The following FCER1A variants were observed in gnomAD, a reference collection of about 807,000 sequenced individuals.
FCER1A encodes Fc epsilon receptor Ia, also known as high affinity immunoglobulin epsilon receptor subunit alpha.
FCER1A carries 24 observed loss-of-function variants against 23.6 expected under a neutral mutation model. That is an observed-to-expected ratio of 1.02 (90% CI 0.74 to 1.43). FCER1A has a LOEUF of 1.43. FCER1A is among the 40% of genes most tolerant of loss of function. The pLI, the probability that FCER1A is intolerant of heterozygous loss-of-function variation, is 0.00. For missense variants in FCER1A, 318 were observed against 294.5 expected, an observed-to-expected ratio of 1.08 and a Z score of -0.58; for synonymous variants, 121 against 108.8, an observed-to-expected ratio of 1.11 and a Z score of -0.70.
Position 159,302,404 on chromosome 1 carries a change from G to A in FCER1A, c.40G>A (p.Ala14Thr). ...GGAATCCCCTACTCTACTGTGTGTA[G>A]CCTTACTGTTCTTCGGTAAGTAGAG... is the stretch of plus-strand genomic sequence containing the variant. ...AMESPTLLCV[A>T]LLFFAPDGVL... is the part of the protein sequence containing the mutation. The change falls in exon 1 of 5, where the codon GCC becomes ACC. Residue 14 changes from alanine (A) to threonine (T), a missense_variant. Transcript: ENST00000693622. 3 of 1,610,684 alleles carry A rather than the reference G, an allele frequency of 1.9e-6. No individual in the cohort carries two copies. In the South Asian group the frequency reaches 3.3e-5, roughly 18 times the overall value.
intron 1 of FCER1A, among the ~76,000 whole-genome samples, chr1:159,291,594 A>C (rs980582924): frequency 3.9e-5 from 6 of 152,192 alleles, no homozygotes; most frequent in Admixed American, 2.0e-4. Flanking sequence ...TGATTATGCA[A>C]GGGCTTAACT....
At chr1:159,307,632 C>G in intron 4 of FCER1A, 116 bp from the exon 5 acceptor site, 2 of 726,062 alleles carry the variant, frequency 2.8e-6, no homozygotes, top group Non-Finnish European at 4.5e-6. Context: ...TGCCACATCA[C>G]GCTAAAAATG....
At chr1:159,299,796 T>G (rs58135923), upstream of FCER1A, among the ~76,000 whole-genome samples, 124 of 152,058 alleles carry the variant, frequency 8.2e-4, no homozygotes, top group African/African-American at 2.9e-3. Flanking sequence ...ATAAAAAACC[T>G]GTGGCATTCA....
chr1:159,290,729 T>C (rs961091024), intron 1 of FCER1A, among the ~76,000 whole-genome samples: 9 of 152,314 alleles, frequency 5.9e-5, no homozygotes, highest in African/African-American at 1.9e-4. Flanking sequence ...TAAAGCACAA[T>C]GCCTGAATAC....
At chr1:159,290,872 C>CTTT (rs1652132651) in intron 1 of FCER1A, among the ~76,000 whole-genome samples, 1 of 151,728 alleles carries the variant, frequency 6.6e-6, no homozygotes, top group African/African-American at 2.4e-5. Flanking sequence ...GGATGAACTC[C>CTTT]CTTCTGCATT....
upstream of FCER1A, chr1:159,289,567 G>A (rs1321464922): frequency 6.6e-6 from 1 of 152,106 alleles, no homozygotes; most frequent in African/African-American, 2.4e-5. Context: ...CTCCCTTAAT[G>A]ACTTCTTAGA....
intron 2 of FCER1A, among the ~76,000 whole-genome samples, chr1:159,303,520 C>T (rs1051082930): frequency 2.6e-5 from 4 of 152,138 alleles, no homozygotes; most frequent in Non-Finnish European, 4.4e-5. Flanking sequence ...TTTATCCATC[C>T]ATAATTCACT....
chr1:159,294,897 T>C (rs1652254604), intron 1 of FCER1A, among the ~76,000 whole-genome samples: 1 of 152,158 alleles, frequency 6.6e-6, no homozygotes, highest in South Asian at 2.1e-4. Context: ...AAGACATAGT[T>C]TGCTCATTCT....
intron 1 of FCER1A, among the ~76,000 whole-genome samples, chr1:159,292,685 CA>C (rs1324071488): frequency 6.6e-6 from 1 of 152,092 alleles, no homozygotes; most frequent in African/African-American, 2.4e-5. Flanking sequence ...TATACATATA[CA>C]TGTCTATGGT....
chr1:159,293,282 C>T (rs1652205114), intron 1 of FCER1A, among the ~76,000 whole-genome samples: 1 of 151,624 alleles, frequency 6.6e-6, no homozygotes, highest in Non-Finnish European at 1.5e-5. Context: ...TCATGTTCTT[C>T]CAGGCCCTCA....
In FCER1A at chr1:159,308,083, A is replaced by G. The variant is rs1008365386; in HGVS notation, c.*151A>G. On this transcript the variant is annotated 3_prime_UTR_variant, in exon 5 of 5. Transcript: ENST00000693622. ...TCATTAAACTGAGTGAAACTGGTTA[A>G]GTGGCATGTAATAGTAAGTGCTCAA... 1 of 531,800 alleles carries G rather than the reference A, an allele frequency of 1.9e-6. No individual in the cohort carries two copies. 32.9% of individuals were successfully genotyped at this position (531,800 alleles called of 1,614,324 possible).
Position 159,307,790 on chromosome 1 carries a change from T to A in FCER1A, c.632T>A (p.Leu211Ter), listed in dbSNP as rs754255545. ...KYWLQFFIPL[L>*]VVILFAVDTG... Reference sequence around the variant, plus strand: ...TGGCTACAATTTTTTATCCCATTGTTGGTGGTGATTCTGTTTGCTGTGGAC... The same window carrying A: ...TGGCTACAATTTTTTATCCCATTGTAGGTGGTGATTCTGTTTGCTGTGGAC... Residue 211 changes from leucine to a stop codon, truncating the protein, a stop_gained, in exon 5 of 5, where the codon TTG (leucine) becomes TAG (stop). Coordinates refer to ENST00000693622, the MANE Select transcript of FCER1A (RefSeq NM_001387280.1). LOFTEE classifies it low-confidence loss of function (END_TRUNC). 10 of 1,612,668 alleles carry A rather than the reference T, an allele frequency of 6.2e-6. No homozygotes were observed. Among genetic ancestry groups the A allele is most frequent in the Non-Finnish European group, 7.6e-6 (9 of 1,178,850 alleles).
chr1:159,289,008 A>T (rs190737507), upstream of FCER1A, among the ~76,000 whole-genome samples: 25 of 152,196 alleles, frequency 1.6e-4, no homozygotes, highest in African/African-American at 6.0e-4. Context: ...ATACTTTAAG[A>T]CTTATGATAA....
chr1:159,290,376 T>C (rs1288403658), intron 1 of FCER1A, among the ~76,000 whole-genome samples: 3 of 152,178 alleles, frequency 2.0e-5, no homozygotes, highest in African/African-American at 7.2e-5. Flanking sequence ...AACCTGCCTT[T>C]TCCTGCAAAC....
intron 3 of FCER1A, 39 bp from the exon 4 acceptor site, chr1:159,305,949 A>G (rs922499326): frequency 1.9e-6 from 3 of 1,582,750 alleles, no homozygotes; most frequent in Admixed American, 1.7e-5. Context: ...CTCTCTCTTC[A>G]TTTATTGTTA....
At chr1:159,286,433 T>A (rs372664020), upstream of FCER1A, among the ~76,000 whole-genome samples, 1 of 151,414 alleles carries the variant, frequency 6.6e-6, no homozygotes, top group Non-Finnish European at 1.5e-5. Context: ...CCCGGGTTCA[T>A]GCCATTCTCC....
upstream of FCER1A, among the ~76,000 whole-genome samples, chr1:159,289,322 G>A (rs755226685): frequency 1.3e-5 from 2 of 152,120 alleles, no homozygotes; most frequent in Non-Finnish European, 1.5e-5. Context: ...GCCACCTTAG[G>A]ACCAAATTGT....
upstream of FCER1A, among the ~76,000 whole-genome samples, chr1:159,287,104 G>A (rs1002366725): frequency 2.0e-5 from 3 of 152,122 alleles, no homozygotes; most frequent in Admixed American, 6.5e-5. Flanking sequence ...TCTGAATAAC[G>A]CATGTCAGAA....
chr1:159,302,472 G>A (rs1479986957), intron 1 of FCER1A, 53 bp downstream of exon 1: 4 of 1,267,410 alleles, frequency 3.2e-6, no homozygotes, highest in South Asian at 1.2e-5. Context: ...AATTTGGGGA[G>A]CAGCTGGGGT....
Sources: allele counts gnomAD v4.1 joint callset (sites outside exome capture counted in the v4.1 genomes callset), GRCh38; gene constraint gnomAD v4.1.1; transcripts MANE v1.5; gene names NCBI Gene and HGNC (gene_info 2026-07-23, HGNC 2026-07-21).